The following PKHD1 variants were observed in gnomAD, a reference collection of about 807,000 sequenced individuals.
The protein encoded by PKHD1 is PKHD1 ciliary IPT domain containing fibrocystin/polyductin, also known as fibrocystin.
Under a neutral mutation model 412.0 loss-of-function variants are expected in PKHD1, and 291 were observed. That is an observed-to-expected ratio of 0.71 (90% CI 0.64 to 0.78). The LOEUF is 0.78. Among genes scored for constraint, PKHD1 ranks in the 30% least tolerant of loss-of-function variants. The pLI, the probability that PKHD1 is intolerant of heterozygous loss-of-function variation, is 0.00. For missense variants in PKHD1, 4,825 were observed against 4,950.7 expected, an observed-to-expected ratio of 0.97 and a Z score of 0.76; for synonymous variants, 1,777 against 1,821.5, an observed-to-expected ratio of 0.98 and a Z score of 0.62.
chr6:51,977,253 G>C (rs151323738), intron 35 of PKHD1, among the ~76,000 whole-genome samples: 2 of 152,168 alleles, frequency 1.3e-5, no homozygotes, highest in African/African-American at 2.4e-5. Context: ...TTCCCTCATT[G>C]CTCTGTGAAG....
intron 60 of PKHD1, among the ~76,000 whole-genome samples, chr6:51,729,014 A>G (rs1782923547): frequency 6.6e-6 from 1 of 152,238 alleles, no homozygotes; most frequent in Admixed American, 6.5e-5. Context: ...GTTCAAACAG[A>G]AAGACAGTAT....
intron 53 of PKHD1, among the ~76,000 whole-genome samples, chr6:51,782,182 C>T (rs1348688007): frequency 7.2e-5 from 11 of 151,964 alleles, no homozygotes; most frequent in Admixed American, 7.2e-4. Flanking sequence ...AAGATGATTA[C>T]TGCAAATGCC....
At chr6:51,894,108 C>T (rs1779524396) in intron 43 of PKHD1, among the ~76,000 whole-genome samples, 1 of 152,198 alleles carries the variant, frequency 6.6e-6, no homozygotes, top group African/African-American at 2.4e-5. Flanking sequence ...AAGATGCAGC[C>T]TCTTGACAGA....
intron 43 of PKHD1, among the ~76,000 whole-genome samples, chr6:51,891,712 A>AACACACACACAC (rs58262423): frequency 9.7e-5 from 14 of 143,746 alleles, no homozygotes; most frequent in African/African-American, 3.6e-4. Flanking sequence ...TTCCACAAGG[A>AACACACACACAC]ACACACACAC....
intron 18 of PKHD1, among the ~76,000 whole-genome samples, chr6:52,056,201 G>A (rs914332051): frequency 3.3e-5 from 5 of 152,136 alleles, no homozygotes; most frequent in African/African-American, 1.2e-4. Context: ...GCAGGATACG[G>A]AAAACTATTG....
At chr6:51,745,579 C>T (rs1785087110) in intron 59 of PKHD1, among the ~76,000 whole-genome samples, 1 of 152,090 alleles carries the variant, frequency 6.6e-6, no homozygotes, top group Non-Finnish European at 1.5e-5. Context: ...GTGGTTCAGC[C>T]TGTAATCCCA....
chr6:51,892,451 A>G (rs1779256013), intron 43 of PKHD1, among the ~76,000 whole-genome samples: 1 of 152,152 alleles, frequency 6.6e-6, no homozygotes, highest in Admixed American at 6.6e-5. Flanking sequence ...TGAAGAAGAG[A>G]GAAGAGGGCT....
At chr6:51,753,157 T>G (rs58823342) in intron 57 of PKHD1, 44 bp downstream of exon 57, 1 of 1,565,522 alleles carries the variant, frequency 6.4e-7, no homozygotes. Context: ...CCCAGATGAA[T>G]AGGCTCCAAC....
At chr6:52,040,373 C>A (rs1804653105) in intron 27 of PKHD1, among the ~76,000 whole-genome samples, 1 of 152,170 alleles carries the variant, frequency 6.6e-6, no homozygotes, top group South Asian at 2.1e-4. Flanking sequence ...TATCTCTCCC[C>A]TGGATGTCTG....
At chr6:51,934,724 AG>A (rs2127771247) in intron 36 of PKHD1, among the ~76,000 whole-genome samples, 1 of 152,342 alleles carries the variant, frequency 6.6e-6, no homozygotes, top group African/African-American at 2.4e-5. Context: ...TAAGAATTAT[AG>A]TAAAAGGAAA....
intron 37 of PKHD1, among the ~76,000 whole-genome samples, chr6:51,916,770 C>T (rs972055700): frequency 6.6e-6 from 1 of 152,078 alleles, no homozygotes; most frequent in Non-Finnish European, 1.5e-5. Context: ...ATCAAAAACA[C>T]ATAAAACTAC....
intron 48 of PKHD1, among the ~76,000 whole-genome samples, chr6:51,864,042 A>G (rs764177830): frequency 9.9e-5 from 15 of 152,176 alleles, no homozygotes; most frequent in Admixed American, 3.3e-4. Flanking sequence ...GCTAGCACAC[A>G]ACAGAGATAT....
intron 21 of PKHD1, among the ~76,000 whole-genome samples, chr6:52,051,007 A>G (rs538295280): frequency 6.6e-6 from 1 of 152,368 alleles, no homozygotes; most frequent in Admixed American, 6.5e-5. Context: ...ATTGGTTACA[A>G]TGGAGACTTT....
At chr6:51,928,615 A>T (rs1210430577) in intron 37 of PKHD1, among the ~76,000 whole-genome samples, 3 of 134,096 alleles carry the variant, frequency 2.2e-5, no homozygotes, top group Non-Finnish European at 4.8e-5. Context: ...TTAGTCTGCT[A>T]AGTAACTCTA....
intron 39 of PKHD1, among the ~76,000 whole-genome samples, chr6:51,909,702 C>G (rs1782671351): frequency 6.6e-6 from 1 of 151,970 alleles, no homozygotes; most frequent in South Asian, 2.1e-4. Context: ...AAGAAACTCC[C>G]AAATCAATCA....
intron 60 of PKHD1, among the ~76,000 whole-genome samples, chr6:51,723,569 T>A (rs894122608): frequency 3.9e-5 from 6 of 152,156 alleles, no homozygotes; most frequent in Non-Finnish European, 8.8e-5. Flanking sequence ...TATTGAAAAT[T>A]TCAAAGTGTG....
chr6:51,616,866 C>A lies in PKHD1; in HGVS notation c.*2215G>T, dbSNP rs546667750. On this transcript the variant is annotated 3_prime_UTR_variant, in exon 67 of 67. Coordinates refer to ENST00000371117, the MANE Select transcript of PKHD1 (RefSeq NM_138694.4). ...CAGAAATAACAGAGCTGGCAGCTAA[C>A]TCTTTGTGAAGGGCGAAATAGAATG... 156 of 391,354 alleles carry A rather than the reference C, an allele frequency of 4.0e-4. No homozygotes were observed. The highest frequency in any genetic ancestry group is 2.9e-3 in the African/African-American group (143 of 48,552). 24.2% of individuals were successfully genotyped at this position (391,354 alleles called of 1,614,324 possible). A position where few individuals can be genotyped will look rare whatever the true frequency, so the allele number is the denominator to read the frequency against.
chr6:51,646,111 T>C (rs116708064), intron 63 of PKHD1, among the ~76,000 whole-genome samples: 1,979 of 152,370 alleles, frequency 0.013, 18 homozygotes, highest in Non-Finnish European at 0.021. Flanking sequence ...ATATAGGAGA[T>C]GATTTTTAAA....
At chr6:51,920,017 A>T (rs1316632896) in intron 37 of PKHD1, among the ~76,000 whole-genome samples, 1 of 152,252 alleles carries the variant, frequency 6.6e-6, no homozygotes, top group Non-Finnish European at 1.5e-5. Flanking sequence ...CAGCTTAAGG[A>T]GATTCTGGGC....
Sources: gnomAD v4.1 joint callset for allele counts (sites outside exome capture counted in the v4.1 genomes callset) on GRCh38, gnomAD v4.1.1 for gene constraint, MANE v1.5 for transcripts, NCBI Gene and HGNC (gene_info 2026-07-23, HGNC 2026-07-21) for gene names.